PLPPR4: variants seen among roughly 807,000 people sequenced by gnomAD.
PLPPR4 encodes the protein phospholipid phosphatase-related protein type 4.
Under a neutral mutation model 56.6 loss-of-function variants are expected in PLPPR4, and 24 were observed. The ratio of observed to expected loss-of-function variants is 0.42; its 90% CI spans 0.31 to 0.60. The LOEUF is 0.60. PLPPR4 is among the 20% of genes least tolerant of loss of function. The pLI, the probability that PLPPR4 is intolerant of heterozygous loss-of-function variation, is 0.13. For missense variants in PLPPR4, 654 were observed against 885.8 expected (o/e 0.74, Z 3.32); for synonymous variants, 326 against 328.1 (o/e 0.99, Z 0.07).
Position 99,307,210 on chromosome 1 carries a change from A to G in PLPPR4, c.*200A>G. The G allele has an allele frequency of 1.7e-6, 1 of 584,792 alleles. No homozygotes were observed. The highest frequency in any genetic ancestry group is 2.9e-6 in the Non-Finnish European group (1 of 344,888). The allele number at this position is 584,792 out of a possible 1,614,324, so 36.2% of individuals were successfully genotyped here. On this transcript the variant is annotated 3_prime_UTR_variant, in exon 7 of 7. Coordinates refer to ENST00000370185, the MANE Select transcript of PLPPR4 (RefSeq NM_014839.5). ...AGGGAAAAGCACAATGCAAGAACCTAACTAACGTGATGATATGAAGAGTTT... is the reference window on the plus strand; with the variant it reads ...AGGGAAAAGCACAATGCAAGAACCTGACTAACGTGATGATATGAAGAGTTT...
At chr1:99,299,354 C>A (rs967755362) in intron 4 of PLPPR4, 124 bp downstream of exon 4, 3 of 709,264 alleles carry the variant, frequency 4.2e-6, no homozygotes, top group Middle Eastern at 3.0e-4. Flanking sequence ...CTTTTCAATT[C>A]AATGATCTCT....
chr1:99,272,055 T>C (rs1004447762), intron 1 of PLPPR4, among the ~76,000 whole-genome samples: 1 of 152,126 alleles, frequency 6.6e-6, no homozygotes, highest in Non-Finnish European at 1.5e-5. Context: ...CTGTTTATGT[T>C]GGAAATGTAT....
chr1:99,267,997 C>T (rs1658948445), intron 1 of PLPPR4, among the ~76,000 whole-genome samples: 2 of 150,604 alleles, frequency 1.3e-5, no homozygotes, highest in African/African-American at 5.0e-5. Context: ...GAAACTGAAA[C>T]TCATAAAAGT....
Position 99,309,054 on chromosome 1 carries a change from A to G in PLPPR4, c.*2044A>G, listed in dbSNP as rs1337744961. ...ATTGAAGTTTTTTTTTCTTTACATA[A>G]ATATTGATATATTCTTTTTCTACTC... On this transcript the variant is annotated 3_prime_UTR_variant, in exon 7 of 7. Coordinates refer to ENST00000370185, the MANE Select transcript of PLPPR4 (RefSeq NM_014839.5). 6.6e-6 allele frequency: 1 copy of G among 152,570 alleles called. No individual in the cohort carries two copies. The highest frequency in any genetic ancestry group is 1.5e-5 in the Non-Finnish European group (1 of 68,022). 9.5% of individuals were successfully genotyped at this position (152,570 alleles called of 1,614,324 possible).
intron 1 of PLPPR4, among the ~76,000 whole-genome samples, chr1:99,284,715 G>T (rs1427138137): frequency 6.6e-6 from 1 of 152,042 alleles, no homozygotes; most frequent in Non-Finnish European, 1.5e-5. Context: ...GTCAGTTTCA[G>T]GAAGGCTACT....
At chr1:99,266,097 G>GA (rs1434817917) in intron 1 of PLPPR4, among the ~76,000 whole-genome samples, 1 of 152,172 alleles carries the variant, frequency 6.6e-6, no homozygotes, top group Non-Finnish European at 1.5e-5. Flanking sequence ...GCTTTCTCAA[G>GA]AAAAATGTAG....
intron 1 of PLPPR4, among the ~76,000 whole-genome samples, chr1:99,277,181 T>C (rs1659207332): frequency 6.6e-6 from 1 of 152,156 alleles, no homozygotes; most frequent in Admixed American, 6.6e-5. Flanking sequence ...AGCCATTGTT[T>C]TGATTGTGCT....
chr1:99,292,179 G>T (rs558940754), intron 2 of PLPPR4, among the ~76,000 whole-genome samples: 2 of 152,152 alleles, frequency 1.3e-5, no homozygotes, highest in African/African-American at 2.4e-5. Flanking sequence ...CTCCTCCAGG[G>T]TATTTTATCA....
chr1:99,264,500 C>T lies in PLPPR4; in HGVS notation c.-94C>T. The T allele has an allele frequency of 6.5e-7, 1 of 1,541,482 alleles. No individual in the cohort carries two copies. On this transcript the variant is annotated 5_prime_UTR_variant, in exon 1 of 7. Coordinates refer to ENST00000370185, the MANE Select transcript of PLPPR4 (RefSeq NM_014839.5). ...GCCGCGGGGAATGTGACATCAGCGG[C>T]GCCGGGCGCTTGGGGCTGGAGGAGG...
intron 2 of PLPPR4, among the ~76,000 whole-genome samples, chr1:99,292,782 T>C (rs574449912): frequency 2.6e-5 from 4 of 151,468 alleles, no homozygotes; most frequent in African/African-American, 9.7e-5. Context: ...TCTACTTTCA[T>C]TTTTTTTTCT....
chr1:99,274,752 A>T (rs988053781), intron 1 of PLPPR4, among the ~76,000 whole-genome samples: 1 of 152,092 alleles, frequency 6.6e-6, no homozygotes, highest in African/African-American at 2.4e-5. Context: ...GTAACACTCT[A>T]CTGAAAGTCT....
chr1:99,296,642 T>C lies in PLPPR4; in HGVS notation c.265-96T>C, dbSNP rs1051193662. ...AAATTTACATCTTTACTTTATTGAA[T>C]TGATATGTTAAAAAGTGATATATAA... On this transcript the variant is annotated intron_variant, in intron 2 of 6. Transcript: ENST00000370185. The C allele has an allele frequency of 1.9e-5, 19 of 988,136 alleles. No individual in the cohort carries two copies. In the African/African-American group the frequency reaches 2.5e-4, roughly 13 times the overall value. The allele number at this position is 988,136 out of a possible 1,614,324, so 61.2% of individuals were successfully genotyped here. A position where few individuals can be genotyped will look rare whatever the true frequency, so the allele number is the denominator to read the frequency against.
intron 1 of PLPPR4, among the ~76,000 whole-genome samples, chr1:99,277,095 C>T (rs907791692): frequency 6.6e-6 from 1 of 152,110 alleles, no homozygotes; most frequent in African/African-American, 2.4e-5. Context: ...CTTGAGCATC[C>T]CAAAACGATG....
At chr1:99,284,812 G>C (rs1659421596) in intron 1 of PLPPR4, among the ~76,000 whole-genome samples, 2 of 152,092 alleles carry the variant, frequency 1.3e-5, no homozygotes, top group Admixed American at 1.3e-4. Context: ...AGAGATACAT[G>C]CGTATATATT....
At chr1:99,283,809 G>T (rs187844695) in intron 1 of PLPPR4, among the ~76,000 whole-genome samples, 2 of 152,182 alleles carry the variant, frequency 1.3e-5, no homozygotes, top group South Asian at 2.1e-4. Flanking sequence ...AAAATTAGCC[G>T]GGTGTGGTGG....
At chr1:99,277,629 TG>T in intron 1 of PLPPR4, among the ~76,000 whole-genome samples, 1 of 152,298 alleles carries the variant, frequency 6.6e-6, no homozygotes, top group Middle Eastern at 3.4e-3. Flanking sequence ...TCAATGATTT[TG>T]CCATTCTTCT....
intron 2 of PLPPR4, among the ~76,000 whole-genome samples, chr1:99,295,738 G>T (rs746117630): frequency 6.6e-6 from 1 of 152,180 alleles, no homozygotes; most frequent in African/African-American, 2.4e-5. Flanking sequence ...TAGCAAATGT[G>T]AGTCCCACAG....
chr1:99,280,994 T>C (rs1659309419), intron 1 of PLPPR4, among the ~76,000 whole-genome samples: 1 of 152,170 alleles, frequency 6.6e-6, no homozygotes, highest in Non-Finnish European at 1.5e-5. Flanking sequence ...AAAATTAGTT[T>C]GGAAACATTG....
chr1:99,272,966 A>T (rs990687849), intron 1 of PLPPR4, among the ~76,000 whole-genome samples: 95 of 152,272 alleles, frequency 6.2e-4, no homozygotes, highest in African/African-American at 2.3e-3. Flanking sequence ...CAGAAGAAAA[A>T]AAAAGGTGAT....
Sources: gnomAD v4.1 joint callset for allele counts (sites outside exome capture counted in the v4.1 genomes callset) on GRCh38, gnomAD v4.1.1 for gene constraint, MANE v1.5 for transcripts, NCBI Gene and HGNC (gene_info 2026-07-23, HGNC 2026-07-21) for gene names.